The following DQX1 variants were observed in gnomAD, a reference collection of about 807,000 sequenced individuals.
DQX1 encodes the protein DEAQ-box RNA dependent ATPase 1, also known as ATP-dependent RNA helicase homolog DQX1.
DQX1 carries 66 observed loss-of-function variants against 81.3 expected under a neutral mutation model. The ratio of observed to expected loss-of-function variants is 0.81; its 90% CI spans 0.67 to 1.00. The LOEUF (loss-of-function observed/expected upper bound fraction) is 1.00, where lower values mean the gene tolerates loss of function less well. Among genes scored for constraint, DQX1 ranks in the 50% least tolerant of loss-of-function variants. The pLI, the probability that DQX1 is intolerant of heterozygous loss-of-function variation, is 0.00. For missense variants in DQX1, 798 were observed against 867.9 expected, an observed-to-expected ratio of 0.92 and a Z score of 1.01; for synonymous variants, 290 against 350.0, an observed-to-expected ratio of 0.83 and a Z score of 1.91.
Position 74,524,169 on chromosome 2 carries a change from C to A in DQX1, c.570G>T (p.Arg190Ser). 1 of 1,614,180 alleles carries A rather than the reference C, an allele frequency of 6.2e-7. No homozygotes were observed. Among genetic ancestry groups the A allele is most frequent in the South Asian group, 1.1e-5 (1 of 91,076 alleles). The change falls in exon 4 of 12, where the codon AGG becomes AGT. Residue 190 changes from arginine (R) to serine (S), a missense_variant. Physicochemically the swap from Arg to Ser is moderately radical, Grantham distance 110. Coordinates refer to ENST00000404568, the MANE Select transcript of DQX1 (RefSeq NM_133637.3). The part of the protein sequence containing the change: ...DSLQGLLQDA[R>S]LEKLPGDLRV... The stretch of plus-strand genomic sequence containing the variant: ...TGAGGTCCCCCGGAAGTTTTTCCAG[C>A]CTGGCATCTTGCAGTAGCCCCTGGA...
At position 74,518,418 on chromosome 2, in the gene DQX1, A is replaced by G; in HGVS notation, c.*28T>C. On this transcript the variant is annotated 3_prime_UTR_variant, in exon 12 of 12. Coordinates refer to ENST00000404568, the MANE Select transcript of DQX1 (RefSeq NM_133637.3). Reference sequence around the variant, plus strand: ...GGGATAATCTAATGTGATGAGATGAACCCAGCTCCATTCCATAGGCAGGCA... The same window carrying G: ...GGGATAATCTAATGTGATGAGATGAGCCCAGCTCCATTCCATAGGCAGGCA... 1.2e-6 allele frequency: 2 copies of G among 1,612,682 alleles called. No individual in the cohort carries two copies. Among genetic ancestry groups the G allele is most frequent in the Non-Finnish European group, 1.7e-6 (2 of 1,179,198 alleles).
chr2:74,525,825 C>T lies in DQX1; in HGVS notation c.-19-77G>A. On this transcript the variant is annotated intron_variant, in intron 1 of 11. Transcript: ENST00000404568. The surrounding 1 kb of genome is among the most constrained non-coding windows in gnomAD (Gnocchi z 4.1). ...TTCCCACCTCAGCCCTGATCCTTAACCTCTACCTTCAGTTGATCATGCTCT... is the reference window on the plus strand; with the variant it reads ...TTCCCACCTCAGCCCTGATCCTTAATCTCTACCTTCAGTTGATCATGCTCT... The T allele has an allele frequency of 6.9e-6, 7 of 1,015,056 alleles. No homozygotes were observed. Among genetic ancestry groups the T allele is most frequent in the Non-Finnish European group, 1.0e-5 (7 of 696,464 alleles). 62.9% of individuals were successfully genotyped at this position (1,015,056 alleles called of 1,614,324 possible).
intron 11 of DQX1, 47 bp from the exon 12 acceptor site, chr2:74,518,649 T>C: frequency 6.3e-7 from 1 of 1,586,860 alleles, no homozygotes; most frequent in Non-Finnish European, 8.6e-7. Flanking sequence ...TCTCTCTCTC[T>C]GTCTCTCTCT....
Position 74,525,589 on chromosome 2 carries a change from G to C in DQX1, c.141C>G (p.Ile47Met), listed in dbSNP as rs763582518. ...CCAAGAAGGTAAAGCGAGCAGCCCA[G>C]ATGGGCAAGGCTTGGCGCTGCTTCA... is the stretch of plus-strand genomic sequence containing the variant. ...ELLKQRQALP[I>M]WAARFTFLEQ... is the part of the protein sequence containing the mutation. The change falls in exon 2 of 12, where the codon ATC becomes ATG. Residue 47 changes from isoleucine (I) to methionine (M), a missense_variant. Ile to Met is a conservative substitution (Grantham distance 10, BLOSUM62 1). Transcript: ENST00000404568. This position sits in a 1 kb window ranked among gnomAD's most constrained non-coding sequence, Gnocchi z 4.1. 2.6e-6 allele frequency: 4 copies of C among 1,552,052 alleles called. No individual in the cohort carries two copies. The highest frequency in any genetic ancestry group is 3.5e-6 in the Non-Finnish European group (4 of 1,147,080).
At chr2:74,524,349 T>G (rs1284296520) in intron 3 of DQX1, 42 bp from the exon 4 acceptor site, 1 of 1,565,510 alleles carries the variant, frequency 6.4e-7, no homozygotes, top group East Asian at 2.3e-5. Context: ...GTGTGGACAC[T>G]GACCAGCCCC....
At chr2:74,522,824 G>C (rs758410172) in intron 7 of DQX1, 32 bp downstream of exon 7, 4 of 1,612,480 alleles carry the variant, frequency 2.5e-6, no homozygotes, top group Admixed American at 3.3e-5. Flanking sequence ...TGGGTGGTCA[G>C]ATGGCAGTGC....
At chr2:74,519,444 AAAG>A in intron 10 of DQX1, 109 bp downstream of exon 10, 3 of 1,448,890 alleles carry the variant, frequency 2.1e-6, no homozygotes, top group Non-Finnish European at 2.8e-6. Context: ...TTCTGGTTCT[AAAG>A]AATCTTTTGA....
Position 74,519,628 on chromosome 2 carries a change from G to A in DQX1, c.1734C>T (p.Ser578=). 1.2e-6 allele frequency: 2 copies of A among 1,614,200 alleles called. No homozygotes were observed. Among genetic ancestry groups the A allele is most frequent in the East Asian group, 2.2e-5 (1 of 44,896 alleles). ...ELMQRIELPL[S]LPAFGSEQNR... ...TCTGCTCAGAGCCAAAGGCTGGTAG[G>A]GACAAGGGAAGTTCAATTCGTTGCA... The change falls in exon 10 of 12, where the codon TCC becomes TCT. Residue 578 remains serine, a synonymous_variant. Coordinates refer to ENST00000404568, the MANE Select transcript of DQX1 (RefSeq NM_133637.3).
rs147739926 is a variant in DQX1 at position 74,524,605 on chromosome 2, A to G, written c.432-298T>C. 2.1e-3 allele frequency among the ~76,000 whole-genome samples: 322 copies of G among 152,292 alleles called. 1 individual carries two copies. The highest frequency in any genetic ancestry group is 5.2e-3 in the South Asian group (25 of 4,826). Reference sequence around the variant, plus strand: ...TTAGCCATTGCACCACACACAATTTAGAGTGAGTTGGGGCCAGGCACGGTG... The same window carrying G: ...TTAGCCATTGCACCACACACAATTTGGAGTGAGTTGGGGCCAGGCACGGTG... On this transcript the variant is annotated intron_variant, in intron 3 of 11. Transcript: ENST00000404568.
At chr2:74,518,654 C>T (rs1674948893) in intron 11 of DQX1, 52 bp from the exon 12 acceptor site, 1 of 1,580,240 alleles carries the variant, frequency 6.3e-7, no homozygotes, top group Non-Finnish European at 8.7e-7. Flanking sequence ...CTCTCTGTCT[C>T]TCTCTTTTTA....
At position 74,525,927 on chromosome 2, in the gene DQX1, G is replaced by C. The variant is rs901974461; in HGVS notation, c.-19-179C>G. Among the ~76,000 whole-genome samples, 2 of 152,198 alleles carry C rather than the reference G, an allele frequency of 1.3e-5. No homozygotes were observed. The highest frequency in any genetic ancestry group is 4.8e-5 in the African/African-American group (2 of 41,434). On this transcript the variant is annotated intron_variant, in intron 1 of 11. Transcript: ENST00000404568. This position sits in a 1 kb window ranked among gnomAD's most constrained non-coding sequence, Gnocchi z 4.1. ...GATAAAGGGCTACTGAGAGTTAGTC[G>C]ACAGTCCCTATAGTCAGGTAGTAGA...
chr2:74,520,150 CAT>C lies in DQX1; in HGVS notation c.1496-118_1496-117del, dbSNP rs1211548552. 3.0e-6 allele frequency: 4 copies of C among 1,344,012 alleles called. No individual in the cohort carries two copies. The Admixed American group carries it at 9.4e-5, about 32-fold the overall frequency. The allele number at this position is 1,344,012 out of a possible 1,614,324, so 83.3% of individuals were successfully genotyped here. On this transcript the variant is annotated intron_variant, in intron 8 of 11. Transcript: ENST00000404568. The stretch of plus-strand genomic sequence containing the variant: ...CCCTTTGGGAACTTTATTCAAAAGA[CAT>C]AGATAACTTCTAGGTGCTATGCACT...
chr2:74,518,698 G>T, intron 11 of DQX1, 96 bp from the exon 12 acceptor site: 1 of 1,222,442 alleles, frequency 8.2e-7, no homozygotes, highest in Non-Finnish European at 1.2e-6. Flanking sequence ...CTGGGCTGGA[G>T]TTCAGTGGCA....
chr2:74,521,792 T>TCTCTCCCC (rs1189573629), intron 8 of DQX1, among the ~76,000 whole-genome samples: 7 of 133,240 alleles, frequency 5.3e-5, no homozygotes, highest in African/African-American at 2.0e-4. Flanking sequence ...TCCCTCTCCC[T>TCTCTCCCC]CTCTCCCCCT....
rs201414755 is a variant in DQX1, at chr2:74,519,709, C to G, written c.1653G>C (p.Leu551=). 4.8e-5 allele frequency: 77 copies of G among 1,614,076 alleles called. No individual in the cohort carries two copies. The highest frequency in any genetic ancestry group is 6.2e-5 in the Non-Finnish European group (73 of 1,180,044). The change falls in exon 10 of 12, where the codon CTG becomes CTC. Residue 551 remains leucine, a synonymous_variant. Coordinates refer to ENST00000404568, the MANE Select transcript of DQX1 (RefSeq NM_133637.3). ...GGGCTTGGCACAATGCTGCCCAATT[C>G]AGACCTCGAGCCTGGCACCAAGCCT... ...ADEAWCQARG[L]NWAALCQAHK... is the part of the protein sequence containing the mutation.
Position 74,522,918 on chromosome 2 carries a change from A to C in DQX1, c.1241T>G (p.Val414Gly). 6.2e-7 allele frequency: 1 copy of C among 1,614,154 alleles called. No individual in the cohort carries two copies. The highest frequency in any genetic ancestry group is 8.5e-7 in the Non-Finnish European group (1 of 1,180,030). ...RVCEENLSSLVLLLKRRQIAE... is the reference protein window; with the variant it reads ...RVCEENLSSLGLLLKRRQIAE... Reference sequence around the variant, plus strand: ...AATCTGTCTCCTTTTTAGTAGTAACACCAGGGAGCTCAGATTCTCCTCACA... The same window carrying C: ...AATCTGTCTCCTTTTTAGTAGTAACCCCAGGGAGCTCAGATTCTCCTCACA... Residue 414 changes from valine (V) to glycine (G), a missense_variant, in exon 7 of 12, where the codon GTG (valine) becomes GGG (glycine). Transcript: ENST00000404568.
intron 4 of DQX1, 144 bp from the exon 5 acceptor site, chr2:74,523,681 G>C: frequency 1.0e-6 from 1 of 975,630 alleles, no homozygotes; most frequent in South Asian, 1.7e-5. Context: ...TATAATTTCA[G>C]GGGTTCACTG....
Position 74,523,362 on chromosome 2 carries a change from A to G in DQX1, c.992T>C (p.Phe331Ser), listed in dbSNP as rs374870900. Residue 331 changes from phenylalanine to serine, a missense_variant, in exon 5 of 12, where the codon TTC (phenylalanine) becomes TCC (serine). Coordinates refer to ENST00000404568, the MANE Select transcript of DQX1 (RefSeq NM_133637.3). ...GACATGTTGGATGGAAGGGAGGGAG[A>G]AGGAGAAGTCAGCCAGCCAGTGAGT... is the stretch of plus-strand genomic sequence containing the variant. ...VVTHWLADFS[F>S]SLPSIQHVID... The G allele has an allele frequency of 3.3e-5, 53 of 1,614,002 alleles. No individual in the cohort carries two copies. The highest frequency in any genetic ancestry group is 4.1e-5 in the Non-Finnish European group (48 of 1,180,012).
chr2:74,519,482 A>C, intron 10 of DQX1, 74 bp downstream of exon 10: 1 of 1,550,046 alleles, frequency 6.5e-7, no homozygotes. Flanking sequence ...CCTGATTTCA[A>C]AGTGGCTTAC....
Sources: gnomAD v4.1 joint callset for allele counts (sites outside exome capture counted in the v4.1 genomes callset) on GRCh38, gnomAD v4.1.1 for gene constraint, Gnocchi (gnomAD v3.1) non-coding constraint, MANE v1.5 for transcripts, NCBI Gene and HGNC (gene_info 2026-07-23, HGNC 2026-07-21) for gene names.